The following PRKN variants were observed in gnomAD, a reference collection of about 807,000 sequenced individuals.
PRKN encodes E3 ubiquitin-protein ligase parkin.
PRKN carries 56 observed loss-of-function variants against 59.5 expected under a neutral mutation model. The ratio of observed to expected loss-of-function variants is 0.94; its 90% confidence interval spans 0.76 to 1.18. The LOEUF (loss-of-function observed/expected upper bound fraction) is 1.18, where lower values mean the gene tolerates loss of function less well. Ranked by LOEUF, PRKN falls within the 50% of genes most tolerant of loss-of-function variation. PRKN has a pLI of 0.00. For missense variants in PRKN, 657 were observed against 596.4 expected (o/e 1.10, Z -1.06); for synonymous variants, 250 against 222.1 (o/e 1.13, Z -1.12).
At chr6:161,896,252 T>G (rs1177659675) in intron 6 of PRKN, among the ~76,000 whole-genome samples, 3 of 152,228 alleles carry the variant, frequency 2.0e-5, no homozygotes, top group Non-Finnish European at 2.9e-5. Flanking sequence ...GGGCAGACTC[T>G]GTGACTACTC....
At position 161,393,733 on chromosome 6, in the gene PRKN, C is replaced by T. The variant is rs1786618799; in HGVS notation, c.1084-6856G>A. Among the ~76,000 whole-genome samples, 1 of 142,494 alleles carries T rather than the reference C, an allele frequency of 7.0e-6. No individual in the cohort carries two copies. Among genetic ancestry groups the T allele is most frequent in the Non-Finnish European group, 1.6e-5 (1 of 63,868 alleles). The allele number at this position is 142,494 out of a possible 152,430, so 93.5% of individuals were successfully genotyped here. On this transcript the variant is annotated intron_variant, in intron 9 of 11. Coordinates refer to ENST00000366898, the MANE Select transcript of PRKN (RefSeq NM_004562.3). This position sits in a 1 kb window ranked among gnomAD's most constrained non-coding sequence, Gnocchi z 4.7. Reference sequence around the variant, plus strand: ...ACAAGCAATGACCCTTAAAATAAGGCTTGATGATGATCTCTCTATGGAAGC... The same window carrying T: ...ACAAGCAATGACCCTTAAAATAAGGTTTGATGATGATCTCTCTATGGAAGC...
chr6:162,513,469 GAAGAAAAGAA>G (rs138108454), intron 1 of PRKN, among the ~76,000 whole-genome samples: 11 of 128,272 alleles, frequency 8.6e-5, no homozygotes, highest in Non-Finnish European at 1.4e-4. Flanking sequence ...GTGAGATTCT[GAAGAAAAGAA>G]AAGAAAAGAA....
intron 2 of PRKN, among the ~76,000 whole-genome samples, chr6:162,300,975 A>AT (rs146978654): frequency 8.6e-5 from 13 of 151,502 alleles, no homozygotes; most frequent in South Asian, 2.1e-4. Flanking sequence ...AGAAGAATAG[A>AT]TTTTTTTTTA....
chr6:161,348,320 CT>C lies in PRKN; in HGVS notation c.*1778del. ...CAGGGGGCTCATGCCTGCCACCTCT[CT>C]TTTTTTCCCTTACTATAGAGACTTT... On this transcript the variant is annotated 3_prime_UTR_variant, in exon 12 of 12. Transcript: ENST00000366898. The surrounding 1 kb of genome is among the most constrained non-coding windows in gnomAD (Gnocchi z 4.9). 4 of 207,732 alleles carry C rather than the reference CT, an allele frequency of 1.9e-5. No individual in the cohort carries two copies. Among genetic ancestry groups the C allele is most frequent in the Non-Finnish European group, 3.9e-5 (4 of 101,882 alleles). 12.9% of individuals were successfully genotyped at this position (207,732 alleles called of 1,614,324 possible).
At chr6:162,464,689 C>T (rs1368946590) in intron 1 of PRKN, among the ~76,000 whole-genome samples, 1 of 148,532 alleles carries the variant, frequency 6.7e-6, no homozygotes, top group Non-Finnish European at 1.5e-5. Flanking sequence ...ATTAGCCAGG[C>T]GTGGTGGCGG....
chr6:162,679,837 G>A (rs1779701439), intron 1 of PRKN, among the ~76,000 whole-genome samples: 1 of 152,110 alleles, frequency 6.6e-6, no homozygotes, highest in African/African-American at 2.4e-5. Flanking sequence ...TCTGACCCAT[G>A]AAACTTTAAA....
chr6:162,197,140 T>A (rs1052701448), intron 4 of PRKN, among the ~76,000 whole-genome samples: 6 of 152,170 alleles, frequency 3.9e-5, no homozygotes, highest in African/African-American at 1.4e-4. Flanking sequence ...ATTATGTAAG[T>A]TATCGATCCT....
rs185029195 is a variant in PRKN at position 161,842,854 on chromosome 6, T to C, written c.735-56946A>G. 1.5e-4 allele frequency among the ~76,000 whole-genome samples: 23 copies of C among 152,306 alleles called. No individual in the cohort carries two copies. In the East Asian group the frequency reaches 4.5e-3, roughly 29 times the overall value. ...TGAGCCACTGCACCCCGCCTCTTCC[T>C]TCTCTTTATTCTGCCTGAGGATGCA... On this transcript the variant is annotated intron_variant, in intron 6 of 11. Coordinates refer to ENST00000366898, the MANE Select transcript of PRKN (RefSeq NM_004562.3).
rs1457470507 is a variant in PRKN, at chr6:162,011,486, AT to A, written c.619-38070del. On this transcript the variant is annotated intron_variant, in intron 5 of 11. Transcript: ENST00000366898. ...ATATTATAATATATAATATATTATAATATATATAATATATATTTATTATATA... is the reference window on the plus strand; with the variant it reads ...ATATTATAATATATAATATATTATAAATATATAATATATATTTATTATATA... Among the ~76,000 whole-genome samples, 2 of 20,522 alleles carry A rather than the reference AT, an allele frequency of 9.7e-5. 1 individual carries two copies. Among genetic ancestry groups the A allele is most frequent in the African/African-American group, 5.0e-4 (2 of 4,006 alleles). The allele number at this position is 20,522 out of a possible 152,430, so 13.5% of individuals were successfully genotyped here.
chr6:162,658,616 G>C (rs979857591), intron 1 of PRKN, among the ~76,000 whole-genome samples: 1 of 135,022 alleles, frequency 7.4e-6, no homozygotes, highest in Non-Finnish European at 1.5e-5. Flanking sequence ...AGCCGAGACA[G>C]TGCCATTGCA....
At chr6:162,501,294 C>T (rs1316069806) in intron 1 of PRKN, among the ~76,000 whole-genome samples, 1 of 151,756 alleles carries the variant, frequency 6.6e-6, no homozygotes, top group East Asian at 1.9e-4. Context: ...TCACTTCAGG[C>T]CAGGCCTCGT....
At chr6:162,584,789 TCC>T (rs1562408942) in intron 1 of PRKN, among the ~76,000 whole-genome samples, 240 of 8,130 alleles carry the variant, frequency 0.03, 5 homozygotes, top group South Asian at 0.051. Context: ...TCCTCTCCTC[TCC>T]CCTCCCCTCC....
intron 1 of PRKN, among the ~76,000 whole-genome samples, chr6:162,464,481 T>C (rs1245678865): frequency 6.6e-6 from 1 of 152,064 alleles, no homozygotes; most frequent in Admixed American, 6.6e-5. Context: ...TAATATGTAA[T>C]GGAGCAAACT....
chr6:161,814,720 TCGAACTCCC>T (rs1791699428), intron 6 of PRKN, among the ~76,000 whole-genome samples: 1 of 152,196 alleles, frequency 6.6e-6, no homozygotes, highest in East Asian at 1.9e-4. Flanking sequence ...CAGGCTGGTC[TCGAACTCCC>T]GACCTCAGGT....
At chr6:161,573,084 C>T (rs984281392) in intron 7 of PRKN, among the ~76,000 whole-genome samples, 2 of 152,132 alleles carry the variant, frequency 1.3e-5, no homozygotes, top group African/African-American at 2.4e-5. Flanking sequence ...CTGCCAGTGA[C>T]GTCCCATGGT....
At chr6:161,971,870 G>A (rs11964796) in intron 6 of PRKN, among the ~76,000 whole-genome samples, 42,113 of 152,132 alleles carry the variant, frequency 0.28, 6,283 homozygotes, top group African/African-American at 0.4. Context: ...CCAAAAGCCA[G>A]AGAGAGACAA....
chr6:162,102,465 C>T (rs1780011665), intron 4 of PRKN, among the ~76,000 whole-genome samples: 1 of 152,154 alleles, frequency 6.6e-6, no homozygotes, highest in Non-Finnish European at 1.5e-5. Flanking sequence ...TGTATAAAAA[C>T]AATTACATTA....
intron 9 of PRKN, among the ~76,000 whole-genome samples, chr6:161,531,847 A>C (rs1389320446): frequency 2.0e-5 from 3 of 152,138 alleles, no homozygotes; most frequent in Non-Finnish European, 4.4e-5. Flanking sequence ...CTCAGGGATG[A>C]GAAGGATTAG....
rs182390981 is a variant in PRKN, at chr6:161,716,837, C to T, written c.871+68935G>A. Among the ~76,000 whole-genome samples, 6 of 152,258 alleles carry T rather than the reference C, an allele frequency of 3.9e-5. No individual in the cohort carries two copies. In the South Asian group the frequency reaches 6.2e-4, roughly 16 times the overall value. ...GAGCAGAATGTGATGAGAGACCAGG[C>T]GGCTGGGAAGAGGCCTTCAGCTTAG... is the stretch of plus-strand genomic sequence containing the variant. On this transcript the variant is annotated intron_variant, in intron 7 of 11. Transcript: ENST00000366898.
Sources: allele counts gnomAD v4.1 joint callset (sites outside exome capture counted in the v4.1 genomes callset), GRCh38; gene constraint gnomAD v4.1.1; non-coding constraint Gnocchi (gnomAD v3.1); transcripts MANE v1.5; gene names NCBI Gene and HGNC (gene_info 2026-07-23, HGNC 2026-07-21).